Variants in NCALD observed in about 807,000 individuals in gnomAD.
The protein encoded by NCALD is neurocalcin-delta.
Under a neutral mutation model 18.6 loss-of-function variants are expected in NCALD, and 10 were observed. That is an observed-to-expected ratio of 0.54 (90% CI 0.33 to 0.91). The LOEUF is 0.91. Among genes scored for constraint, NCALD ranks in the 40% least tolerant of loss-of-function variants. The pLI, the probability that NCALD is intolerant of heterozygous loss-of-function variation, is 0.03. For missense variants in NCALD, 184 were observed against 247.6 expected, an observed-to-expected ratio of 0.74 and a Z score of 1.72; for synonymous variants, 88 against 87.4, an observed-to-expected ratio of 1.01 and a Z score of -0.04.
At chr8:101,969,578 T>C (rs944084468) in intron 2 of NCALD, among the ~76,000 whole-genome samples, 8 of 152,202 alleles carry the variant, frequency 5.3e-5, no homozygotes, top group African/African-American at 1.9e-4. Flanking sequence ...CCAGGTCATC[T>C]GATTCTCAGA....
chr8:101,934,140 C>T (rs1188545476), intron 2 of NCALD, among the ~76,000 whole-genome samples: 3 of 152,090 alleles, frequency 2.0e-5, no homozygotes, highest in Non-Finnish European at 2.9e-5. Flanking sequence ...GTACTAGGTG[C>T]AGGGATACAA....
chr8:101,729,177 T>C (rs897452736), intron 1 of NCALD, among the ~76,000 whole-genome samples: 1 of 152,174 alleles, frequency 6.6e-6, no homozygotes, highest in African/African-American at 2.4e-5. Flanking sequence ...TGCTTCAGAA[T>C]TTTTCTTCAA....
chr8:101,716,254 G>A (rs919266272), intron 2 of NCALD, among the ~76,000 whole-genome samples: 2 of 152,026 alleles, frequency 1.3e-5, no homozygotes, highest in African/African-American at 4.8e-5. Flanking sequence ...TCACTCATAG[G>A]TGGGAGTTGA....
At chr8:102,026,276 G>A (rs552730129) in intron 1 of NCALD, among the ~76,000 whole-genome samples, 1 of 152,204 alleles carries the variant, frequency 6.6e-6, no homozygotes, top group South Asian at 2.1e-4. Flanking sequence ...AAAAGTCCAA[G>A]TCCAAAGTCT....
chr8:101,747,012 C>T (rs530098572), intron 1 of NCALD, among the ~76,000 whole-genome samples: 43 of 152,232 alleles, frequency 2.8e-4, no homozygotes, highest in African/African-American at 8.9e-4. Flanking sequence ...ATTATGCCAT[C>T]ACCAACACTG....
intron 3 of NCALD, among the ~76,000 whole-genome samples, chr8:101,908,964 A>T (rs1050457246): frequency 2.6e-5 from 4 of 152,182 alleles, no homozygotes; most frequent in African/African-American, 9.7e-5. Flanking sequence ...GTTTTCCAAA[A>T]ATCAAGAGAT....
At chr8:101,719,147 G>T in intron 2 of NCALD, 105 bp downstream of exon 2, 2 of 1,361,832 alleles carry the variant, frequency 1.5e-6, no homozygotes, top group Non-Finnish European at 2.0e-6. Flanking sequence ...GAAGTGTCCT[G>T]GTGACTCACC....
chr8:101,709,196 G>A (rs564135485), intron 2 of NCALD, among the ~76,000 whole-genome samples: 2 of 152,296 alleles, frequency 1.3e-5, no homozygotes, highest in East Asian at 1.9e-4. Flanking sequence ...CTTTGGGTAC[G>A]CCCTACGTAA....
chr8:102,102,223 G>T (rs1372565372), intron 1 of NCALD, among the ~76,000 whole-genome samples: 1 of 152,066 alleles, frequency 6.6e-6, no homozygotes, highest in Non-Finnish European at 1.5e-5. Flanking sequence ...GGGCACAGCA[G>T]GTAATACAAA....
chr8:101,879,967 G>A (rs1201812866), intron 4 of NCALD, among the ~76,000 whole-genome samples: 1 of 152,118 alleles, frequency 6.6e-6, no homozygotes, highest in Non-Finnish European at 1.5e-5. Context: ...TGCCAGTCCT[G>A]TGCCGTGTGC....
intron 2 of NCALD, among the ~76,000 whole-genome samples, chr8:101,964,337 G>T (rs558985160): frequency 6.6e-6 from 1 of 152,170 alleles, no homozygotes; most frequent in African/African-American, 2.4e-5. Context: ...GGTAACGCCA[G>T]TTTCTATAAC....
chr8:101,964,442 A>G (rs551476577), intron 2 of NCALD, among the ~76,000 whole-genome samples: 176 of 152,288 alleles, frequency 1.2e-3, no homozygotes, highest in Non-Finnish European at 2.3e-3. Context: ...GTGACAATGC[A>G]GGGTCCCAGT....
intron 3 of NCALD, among the ~76,000 whole-genome samples, chr8:101,892,574 G>C (rs577555642): frequency 6.7e-6 from 1 of 149,082 alleles, no homozygotes; most frequent in Non-Finnish European, 1.5e-5. Flanking sequence ...CGAGCTACAG[G>C]AGGAAATTCA....
intron 1 of NCALD, among the ~76,000 whole-genome samples, chr8:102,098,044 GTAAAA>G (rs1240918537): frequency 2.6e-5 from 4 of 152,252 alleles, no homozygotes; most frequent in African/African-American, 9.6e-5. Flanking sequence ...GCATGAGGCA[GTAAAA>G]TAAGTATAGT....
At position 101,957,289 on chromosome 8, in the gene NCALD, G is replaced by GTTTTTTT. The variant is rs11305701; in HGVS notation, c.-156-41438_-156-41432dup. Among the ~76,000 whole-genome samples the GTTTTTTT allele has an allele frequency of 4.1e-3, 405 of 99,492 alleles. 9 individuals are homozygous for GTTTTTTT. Among genetic ancestry groups the GTTTTTTT allele is most frequent in the African/African-American group, 0.012 (310 of 25,138 alleles). 65.3% of individuals were successfully genotyped at this position (99,492 alleles called of 152,430 possible). A position where few individuals can be genotyped will look rare whatever the true frequency, so the allele number is the denominator to read the frequency against. ...ATGGGTAGTAAAAAGAAAAGTTGGG[G>GTTTTTTT]TTTTTTTTTTTTTTTTTTTTTTTTT... On this transcript the variant is annotated intron_variant, in intron 2 of 6. Coordinates refer to the NCALD transcript ENST00000311028.
chr8:101,814,036 A>G (rs1365595904), intron 4 of NCALD, among the ~76,000 whole-genome samples: 1 of 152,096 alleles, frequency 6.6e-6, no homozygotes. Flanking sequence ...TACAAAATAG[A>G]AAACACCAGG....
At chr8:101,952,340 T>C (rs1197676254) in intron 2 of NCALD, among the ~76,000 whole-genome samples, 1 of 152,208 alleles carries the variant, frequency 6.6e-6, no homozygotes, top group Non-Finnish European at 1.5e-5. Context: ...AAACTGCCTC[T>C]TCTCCGCCAA....
chr8:101,944,300 G>T (rs1378486543), intron 2 of NCALD, among the ~76,000 whole-genome samples: 2 of 152,192 alleles, frequency 1.3e-5, no homozygotes, highest in African/African-American at 4.8e-5. Context: ...GGCTGCTTAT[G>T]TGTACCCTGT....
intron 2 of NCALD, among the ~76,000 whole-genome samples, chr8:102,019,311 C>T (rs1046407519): frequency 1.3e-5 from 2 of 152,098 alleles, no homozygotes; most frequent in Non-Finnish European, 2.9e-5. Context: ...CTCATACACT[C>T]CTGATTGTGG....
Sources: gnomAD v4.1 joint callset for allele counts (sites outside exome capture counted in the v4.1 genomes callset) on GRCh38, gnomAD v4.1.1 for gene constraint, MANE v1.5 for transcripts, NCBI Gene and HGNC (gene_info 2026-07-23, HGNC 2026-07-21) for gene names.